Variants in SELENOP observed in about 807,000 individuals in gnomAD.
SELENOP encodes selenoprotein P, also known as selenoprotein P, plasma, 1.
A neutral mutation model predicts 41.0 loss-of-function variants in SELENOP; 36 were observed. The ratio of observed to expected loss-of-function variants is 0.88; its 90% CI spans 0.67 to 1.16. The LOEUF (loss-of-function observed/expected upper bound fraction) is 1.16, where lower values mean the gene tolerates loss of function less well. SELENOP is among the 50% of genes most tolerant of loss of function. The probability of loss-of-function intolerance (pLI) is 0.00; values close to 1 mark genes in which losing one functional copy is unlikely to be tolerated. For synonymous variants in SELENOP, 144 were observed against 150.8 expected (o/e 0.95, Z 0.33); for missense variants, 440 against 454.2 (o/e 0.97, Z 0.28).
chr5:42,806,898 A>G lies in SELENOP; in HGVS notation c.414T>C (p.Asp138=). 1 of 1,590,658 alleles carries G rather than the reference A, an allele frequency of 6.3e-7. No homozygotes were observed. The highest frequency in any genetic ancestry group is 1.3e-5 in the African/African-American group (1 of 74,526). The stretch of plus-strand genomic sequence containing the variant: ...TGTGTTTGTGTGTATGTACAAACCT[A>G]TCATATATGAGGAAGTCATCTTTGC... ...NGSKDDFLIY[D]RCGRLVYHLG... is the part of the protein sequence containing the mutation. Residue 138 remains aspartate, a splice_region_variant and synonymous_variant, in exon 3 of 5, where the codon GAT becomes GAC. Transcript: ENST00000514985.
At chr5:42,809,249 T>C (rs1439167889) in intron 1 of SELENOP, among the ~76,000 whole-genome samples, 2 of 152,204 alleles carry the variant, frequency 1.3e-5, no homozygotes, top group African/African-American at 4.8e-5. Flanking sequence ...ATTGGAAAGT[T>C]CCTATGACTA....
Position 42,800,218 on chromosome 5 carries a change from T to A in SELENOP, c.*502A>T, listed in dbSNP as rs1561281883. 1 of 157,344 alleles carries A rather than the reference T, an allele frequency of 6.4e-6. No homozygotes were observed. Among genetic ancestry groups the A allele is most frequent in the Non-Finnish European group, 1.4e-5 (1 of 71,410 alleles). 9.7% of individuals were successfully genotyped at this position (157,344 alleles called of 1,614,324 possible). ...AAGATAAATGGATATTTAAAATAGT[T>A]ATATATGCTTTTTTAGCAAAATATT... On this transcript the variant is annotated 3_prime_UTR_variant, in exon 5 of 5. Transcript: ENST00000514985.
chr5:42,804,892 T>A, intron 3 of SELENOP, 119 bp from the exon 4 acceptor site: 1 of 563,254 alleles, frequency 1.8e-6, no homozygotes, highest in Non-Finnish European at 3.0e-6. Context: ...CTTTCACGCC[T>A]TTACTAAATT....
chr5:42,809,388 A>G (rs1370041169), intron 1 of SELENOP, among the ~76,000 whole-genome samples: 1 of 152,218 alleles, frequency 6.6e-6, no homozygotes, highest in East Asian at 1.9e-4. Context: ...CTAAACAGAA[A>G]TGTTCAAAAA....
rs1760344934 is a variant in SELENOP, at chr5:42,806,998, T to C, written c.314A>G (p.Asn105Ser). 2 of 1,605,520 alleles carry C rather than the reference T, an allele frequency of 1.2e-6. No individual in the cohort carries two copies. Among genetic ancestry groups the C allele is most frequent in the South Asian group, 1.1e-5 (1 of 90,800 alleles). Reference protein sequence around the residue: ...SSRLKYTHLKNKVSEHIPVYQ... With the variant: ...SSRLKYTHLKSKVSEHIPVYQ... Reference sequence around the variant, plus strand: ...AACAGGAATATGCTCTGAAACCTTATTCTTAAGATGTGTGTATTTTAATCG... The same window carrying C: ...AACAGGAATATGCTCTGAAACCTTACTCTTAAGATGTGTGTATTTTAATCG... Residue 105 changes from asparagine (N) to serine (S), a missense_variant, in exon 3 of 5, where the codon AAT becomes AGT. By Grantham distance (46) the Asn-to-Ser change is conservative (BLOSUM62 1). Transcript: ENST00000514985.
At chr5:42,807,507 T>TA (rs1760359407) in intron 2 of SELENOP, 1 of 160,490 alleles carries the variant, frequency 6.2e-6, no homozygotes, top group Non-Finnish European at 1.4e-5. Context: ...AAATACAGTA[T>TA]AAAAATTCCT....
chr5:42,810,733 C>A (rs1364827559), intron 1 of SELENOP: 1 of 989,238 alleles, frequency 1.0e-6, no homozygotes, highest in Admixed American at 3.1e-5. Context: ...GCTGGGATTA[C>A]AAGCGTGAGC....
intron 3 of SELENOP, chr5:42,806,585 AAGGAAGAATGTGGG>A (rs929497567): frequency 4.4e-6 from 1 of 229,576 alleles, no homozygotes; most frequent in Non-Finnish European, 8.8e-6. Context: ...AGAATAAACC[AAGGAAGAATGTGGG>A]AGGAAGAAAA....
In SELENOP at chr5:42,800,968, A is replaced by G. The variant is rs1760179270; in HGVS notation, c.898T>C (p.Sec300Arg). The change falls in exon 5 of 5, where the codon TGA becomes CGA. Residue 300 changes from selenocysteine (U) to arginine (R), a missense_variant. Transcript: ENST00000514985. ...ATCAGATGTCGACAATGGCAGCATC[A>G]GCTCCTAGGAGCCAACTCTGAATCT... ...PTDSELAPRSUCCHCRHLIFE... is the reference protein window; with the variant it reads ...PTDSELAPRSRCCHCRHLIFE... 1 of 1,614,240 alleles carries G rather than the reference A, an allele frequency of 6.2e-7. No individual in the cohort carries two copies.
At position 42,804,726 on chromosome 5, in the gene SELENOP, G is replaced by C; in HGVS notation, c.464C>G (p.Thr155Ser). 1.9e-6 allele frequency: 3 copies of C among 1,611,716 alleles called. No individual in the cohort carries two copies. The highest frequency in any genetic ancestry group is 1.7e-6 in the Non-Finnish European group (2 of 1,178,438). The change falls in exon 4 of 5, where the codon ACT (threonine) becomes AGT (serine). Residue 155 changes from threonine to serine, a missense_variant. Transcript: ENST00000514985. Reference sequence around the variant, plus strand: ...AATGGCTTCTTCTACATATGGGAAAGTTAGGAAGGAAAAAGGCAAACCAAG... The same window carrying C: ...AATGGCTTCTTCTACATATGGGAAACTTAGGAAGGAAAAAGGCAAACCAAG... ...YHLGLPFSFL[T>S]FPYVEEAIKI...
intron 1 of SELENOP, 134 bp from the exon 2 acceptor site, chr5:42,808,500 A>G (rs1006375040): frequency 5.3e-6 from 2 of 379,800 alleles, no homozygotes; most frequent in African/African-American, 4.2e-5. Flanking sequence ...CCAGAAAGTT[A>G]TGTTCAGACT....
At chr5:42,802,655 G>A (rs747204227) in intron 4 of SELENOP, among the ~76,000 whole-genome samples, 1 of 152,206 alleles carries the variant, frequency 6.6e-6, no homozygotes, top group Non-Finnish European at 1.5e-5. Context: ...TCTTTCGCCA[G>A]GCTGGAGTGC....
chr5:42,811,078 T>C (rs762223530), intron 1 of SELENOP, among the ~76,000 whole-genome samples: 4 of 152,220 alleles, frequency 2.6e-5, no homozygotes, highest in Non-Finnish European at 5.9e-5. Flanking sequence ...AATTTCACTA[T>C]GTCACCACTT....
In SELENOP at chr5:42,800,912, T is replaced by A; in HGVS notation, c.954A>T (p.Sec318Cys). Residue 318 changes from selenocysteine (U) to cysteine (C), a missense_variant, in exon 5 of 5, where the codon TGA (selenocysteine) becomes TGT (cysteine). Transcript: ENST00000514985. The stretch of plus-strand genomic sequence containing the variant: ...AAGATGGGAGGTTTTCTTTACACTG[T>A]CAGGTGATTGCAGACCCTGTTTTTT... The part of the protein sequence containing the change: ...IFEKTGSAIT[U>C]QCKENLPSLC... 6.2e-7 allele frequency: 1 copy of A among 1,614,220 alleles called. No homozygotes were observed. The highest frequency in any genetic ancestry group is 8.5e-7 in the Non-Finnish European group (1 of 1,180,040).
chr5:42,805,150 A>G (rs1295536672), intron 3 of SELENOP: 1 of 155,088 alleles, frequency 6.4e-6, no homozygotes, highest in Non-Finnish European at 1.4e-5. Flanking sequence ...ATAACTGCTA[A>G]GGCAGCACAA....
Position 42,800,655 on chromosome 5 carries a change from T to C in SELENOP, c.*65A>G. On this transcript the variant is annotated 3_prime_UTR_variant, in exon 5 of 5. Transcript: ENST00000514985. ...TTTTTGGTTCACTAATTTGGTAGTT[T>C]ATAAAAATGCTGGAAATGAAATTGT... is the stretch of plus-strand genomic sequence containing the variant. 1.3e-6 allele frequency: 2 copies of C among 1,499,882 alleles called. No individual in the cohort carries two copies. Among genetic ancestry groups the C allele is most frequent in the South Asian group, 1.4e-5 (1 of 71,272 alleles). The allele number at this position is 1,499,882 out of a possible 1,614,324, so 92.9% of individuals were successfully genotyped here. A position where few individuals can be genotyped will look rare whatever the true frequency, so the allele number is the denominator to read the frequency against.
intron 2 of SELENOP, chr5:42,807,889 G>A (rs1405266138): frequency 8.7e-6 from 2 of 228,984 alleles, no homozygotes; most frequent in East Asian, 8.8e-5. Flanking sequence ...CATTACACAA[G>A]TAATACATAT....
At chr5:42,804,238 T>G (rs919365483) in intron 4 of SELENOP, among the ~76,000 whole-genome samples, 9 of 152,112 alleles carry the variant, frequency 5.9e-5, no homozygotes, top group Non-Finnish European at 1.2e-4. Context: ...GAGGCGGGCG[T>G]ATCACAAGGG....
intron 1 of SELENOP, chr5:42,809,680 G>T (rs1042334349): frequency 2.9e-6 from 1 of 345,492 alleles, no homozygotes; most frequent in Non-Finnish European, 4.1e-6. Flanking sequence ...ATTGATCTGG[G>T]CTTTAATGCA....
Sources: allele counts gnomAD v4.1 joint callset (sites outside exome capture counted in the v4.1 genomes callset), GRCh38; gene constraint gnomAD v4.1.1; transcripts MANE v1.5; gene names NCBI Gene and HGNC (gene_info 2026-07-23, HGNC 2026-07-21).